ASCC3: variants seen among roughly 807,000 people sequenced by gnomAD.
ASCC3 encodes the protein ASC-1 complex subunit P200.
In ASCC3, 158 loss-of-function variants were observed where a neutral mutation model predicts 256.3. The observed-to-expected ratio is 0.62, with a 90% CI of 0.54 to 0.70. The LOEUF (loss-of-function observed/expected upper bound fraction) is 0.70. ASCC3 is among the 30% of genes least tolerant of loss of function. The pLI is 0.00. For missense variants in ASCC3, 2,259 were observed against 2,626.0 expected (o/e 0.86, Z 3.05); for synonymous variants, 948 against 883.4 (o/e 1.07, Z -1.30).
At chr6:100,763,845 T>C (rs1781523677) in intron 10 of ASCC3, among the ~76,000 whole-genome samples, 2 of 152,208 alleles carry the variant, frequency 1.3e-5, no homozygotes, top group South Asian at 4.1e-4. Context: ...TCATCAGTGA[T>C]GCTAAGCCGT....
chr6:100,618,729 C>T (rs1773794289), intron 30 of ASCC3, among the ~76,000 whole-genome samples: 4 of 152,194 alleles, frequency 2.6e-5, no homozygotes, highest in Admixed American at 2.6e-4. Flanking sequence ...GAAGATTATA[C>T]TGGACCTTCT....
At chr6:100,673,200 A>G (rs1173330251) in intron 14 of ASCC3, among the ~76,000 whole-genome samples, 1 of 152,126 alleles carries the variant, frequency 6.6e-6, no homozygotes, top group African/African-American at 2.4e-5. Flanking sequence ...TTAGAAAAAG[A>G]TAAATCTCAT....
intron 34 of ASCC3, among the ~76,000 whole-genome samples, chr6:100,600,821 T>C (rs2114794946): frequency 1.3e-5 from 2 of 152,186 alleles, no homozygotes; most frequent in South Asian, 4.1e-4. Context: ...CCCACTTCAC[T>C]TCCTACCATA....
Position 100,563,714 on chromosome 6 carries a change from T to C in ASCC3, c.5551-23327A>G, listed in dbSNP as rs566998596. ...TGTAAGGCTAAGGAATGTAAATTCA[T>C]CTAAGGTTTTTTTATTAGAACAGAA... On this transcript the variant is annotated intron_variant, in intron 36 of 41. Coordinates refer to ENST00000369162, the MANE Select transcript of ASCC3 (RefSeq NM_006828.4). Among the ~76,000 whole-genome samples the C allele has an allele frequency of 2.6e-4, 40 of 152,278 alleles. No homozygotes were observed. The Middle Eastern group carries it at 0.01, about 39-fold the overall frequency.
chr6:100,582,644 A>C (rs1384317771), intron 36 of ASCC3, among the ~76,000 whole-genome samples: 1 of 151,942 alleles, frequency 6.6e-6, no homozygotes, highest in Non-Finnish European at 1.5e-5. Flanking sequence ...GTGGTGAGAG[A>C]GGGCATCCCT....
At chr6:100,640,706 G>A (rs1165261315) in intron 24 of ASCC3, among the ~76,000 whole-genome samples, 1 of 152,104 alleles carries the variant, frequency 6.6e-6, no homozygotes, top group African/African-American at 2.4e-5. Flanking sequence ...TAGATCACTA[G>A]ATACTACAAT....
intron 10 of ASCC3, among the ~76,000 whole-genome samples, chr6:100,751,528 C>T (rs549730077): frequency 5.3e-5 from 8 of 151,874 alleles, no homozygotes; most frequent in East Asian, 1.9e-4. Flanking sequence ...CCTATAGACA[C>T]GTTACCATGC....
At chr6:100,625,675 T>C (rs953642094) in intron 29 of ASCC3, among the ~76,000 whole-genome samples, 19 of 152,126 alleles carry the variant, frequency 1.2e-4, no homozygotes, top group African/African-American at 4.3e-4. Flanking sequence ...TTGAGTTTTC[T>C]GTACTAAGTT....
At chr6:100,510,936 G>C (rs940570895) in intron 40 of ASCC3, among the ~76,000 whole-genome samples, 10 of 152,108 alleles carry the variant, frequency 6.6e-5, no homozygotes, top group African/African-American at 2.4e-4. Flanking sequence ...GGGAGTCAGA[G>C]AGTAATATAT....
intron 24 of ASCC3, 97 bp downstream of exon 24, chr6:100,642,484 C>G (rs190929609): frequency 8.0e-7 from 1 of 1,253,780 alleles, no homozygotes; most frequent in East Asian, 2.3e-5. Flanking sequence ...ATAATGATTA[C>G]AAGTAAAACT....
chr6:100,880,686 C>A (rs1253352946), intron 1 of ASCC3, among the ~76,000 whole-genome samples: 1 of 152,176 alleles, frequency 6.6e-6, no homozygotes, highest in Non-Finnish European at 1.5e-5. Flanking sequence ...AGGAAGATTT[C>A]TTTCCCCAAA....
chr6:100,817,126 T>G (rs1305202420), intron 4 of ASCC3, among the ~76,000 whole-genome samples: 1 of 151,816 alleles, frequency 6.6e-6, no homozygotes, highest in Non-Finnish European at 1.5e-5. Context: ...ATTTAAAATT[T>G]AGAAATAATA....
intron 13 of ASCC3, among the ~76,000 whole-genome samples, chr6:100,696,817 T>A (rs973732263): frequency 3.3e-5 from 5 of 152,092 alleles, no homozygotes; most frequent in African/African-American, 1.2e-4. Flanking sequence ...AAGTATGATG[T>A]ATTTCACAGA....
Position 100,837,852 on chromosome 6 carries a change from G to A in ASCC3, c.801+10296C>T, listed in dbSNP as rs540928537. Among the ~76,000 whole-genome samples, 10 of 152,048 alleles carry A rather than the reference G, an allele frequency of 6.6e-5. No homozygotes were observed. In the South Asian group the frequency reaches 2.1e-3, roughly 32 times the overall value. On this transcript the variant is annotated intron_variant, in intron 4 of 41. Transcript: ENST00000369162. ...GGATGACTAGGGCTAACAATATTGTGTTGGGTATTTCAAAAAAGCTGGAAA... is the reference window on the plus strand; with the variant it reads ...GGATGACTAGGGCTAACAATATTGTATTGGGTATTTCAAAAAAGCTGGAAA...
At chr6:100,703,685 T>C (rs983675865) in intron 13 of ASCC3, among the ~76,000 whole-genome samples, 2 of 151,974 alleles carry the variant, frequency 1.3e-5, no homozygotes, top group African/African-American at 2.4e-5. Context: ...CTTCTGGCCT[T>C]TACTTTAACC....
intron 10 of ASCC3, among the ~76,000 whole-genome samples, chr6:100,744,095 C>T (rs927714747): frequency 1.3e-5 from 2 of 152,322 alleles, no homozygotes; most frequent in Admixed American, 6.5e-5. Flanking sequence ...AATGTCCTTA[C>T]TTATCCTTAG....
intron 37 of ASCC3, among the ~76,000 whole-genome samples, chr6:100,521,182 C>A (rs138853503): frequency 2.6e-5 from 4 of 152,130 alleles, no homozygotes; most frequent in South Asian, 2.1e-4. Flanking sequence ...AGTAATCCCC[C>A]CTTATCTGTA....
intron 36 of ASCC3, among the ~76,000 whole-genome samples, chr6:100,574,463 T>C (rs990602290): frequency 2.0e-5 from 3 of 152,072 alleles, no homozygotes; most frequent in Non-Finnish European, 4.4e-5. Context: ...TTTTCCATAG[T>C]AGTTGTGTCA....
At chr6:100,527,368 C>T (rs1053120926) in intron 37 of ASCC3, among the ~76,000 whole-genome samples, 5 of 152,180 alleles carry the variant, frequency 3.3e-5, no homozygotes, top group Admixed American at 1.3e-4. Context: ...TACAGTAATA[C>T]ACAAGACTTT....
Sources: allele counts gnomAD v4.1 joint callset (sites outside exome capture counted in the v4.1 genomes callset), GRCh38; gene constraint gnomAD v4.1.1; transcripts MANE v1.5; gene names NCBI Gene and HGNC (gene_info 2026-07-23, HGNC 2026-07-21).